Variants in SUMF1 observed in about 807,000 individuals in gnomAD.
The protein encoded by SUMF1 is sulfatase modifying factor 1.
SUMF1 carries 48 observed loss-of-function variants against 47.6 expected under a neutral mutation model. The ratio of observed to expected loss-of-function variants is 1.01; its 90% CI spans 0.80 to 1.28. SUMF1 has a LOEUF of 1.28. SUMF1 is among the 50% of genes most tolerant of loss of function. The pLI, the probability that SUMF1 is intolerant of heterozygous loss-of-function variation, is 0.00. For missense variants in SUMF1, 571 were observed against 485.4 expected (o/e 1.18, Z -1.66); for synonymous variants, 230 against 192.1 (o/e 1.20, Z -1.63).
intron 8 of SUMF1, chr3:4,313,746 G>A (rs1241698463): frequency 6.2e-7 from 1 of 1,614,006 alleles, no homozygotes; most frequent in Non-Finnish European, 8.5e-7. Flanking sequence ...CCTCCTGCAA[G>A]CGATTGACCC....
At chr3:4,301,128 G>C (rs933039494) in intron 8 of SUMF1, among the ~76,000 whole-genome samples, 3 of 152,090 alleles carry the variant, frequency 2.0e-5, no homozygotes, top group Non-Finnish European at 4.4e-5. Flanking sequence ...ATGTAAAGAG[G>C]GTAACCAATG....
intron 8 of SUMF1, among the ~76,000 whole-genome samples, chr3:4,120,419 C>CA (rs1479989632): frequency 2.6e-5 from 4 of 152,204 alleles, no homozygotes; most frequent in African/African-American, 9.6e-5. Flanking sequence ...ACACACTTTA[C>CA]AAAAAGATAT....
intron 8 of SUMF1, among the ~76,000 whole-genome samples, chr3:4,111,727 G>C (rs1693311516): frequency 6.6e-6 from 1 of 151,920 alleles, no homozygotes; most frequent in Admixed American, 6.6e-5. Context: ...GACAGAGCTA[G>C]ACACCGTCTA....
At chr3:4,060,202 G>A (rs1356802685) in intron 9 of SUMF1, among the ~76,000 whole-genome samples, 1 of 152,196 alleles carries the variant, frequency 6.6e-6, no homozygotes, top group African/African-American at 2.4e-5. Context: ...GAACTAAAGT[G>A]ATAGAGATTA....
chr3:4,100,343 C>T (rs1693005143), intron 8 of SUMF1, among the ~76,000 whole-genome samples: 1 of 152,022 alleles, frequency 6.6e-6, no homozygotes, highest in East Asian at 1.9e-4. Context: ...AAAACAGACA[C>T]ATCAACCAAA....
chr3:4,322,938 G>A (rs1338291311), intron 8 of SUMF1, among the ~76,000 whole-genome samples: 1 of 151,986 alleles, frequency 6.6e-6, no homozygotes, highest in African/African-American at 2.4e-5. Flanking sequence ...ATGCACAAAT[G>A]TTCATATAGC....
intron 6 of SUMF1, among the ~76,000 whole-genome samples, chr3:4,411,394 T>C (rs540111054): frequency 5.4e-4 from 82 of 152,286 alleles, no homozygotes; most frequent in African/African-American, 1.8e-3. Context: ...GGCCACACAA[T>C]GTCTTTCAGC....
At chr3:4,460,823 AT>A (rs111801896) in intron 1 of SUMF1, among the ~76,000 whole-genome samples, 61 of 146,066 alleles carry the variant, frequency 4.2e-4, no homozygotes, top group South Asian at 4.4e-4. Context: ...CACCCTGCTA[AT>A]TTTTTTTTTT....
chr3:4,078,163 T>G (rs1450153882), intron 8 of SUMF1, among the ~76,000 whole-genome samples: 1 of 152,110 alleles, frequency 6.6e-6, no homozygotes, highest in African/African-American at 2.4e-5. Flanking sequence ...AAAATCTTTT[T>G]GAAAGCAGGG....
intron 8 of SUMF1, among the ~76,000 whole-genome samples, chr3:4,351,933 A>C (rs2125156369): frequency 6.6e-6 from 1 of 152,244 alleles, no homozygotes; most frequent in Non-Finnish European, 1.5e-5. Context: ...TCAAAATCTG[A>C]AGAAGAAATA....
intron 8 of SUMF1, among the ~76,000 whole-genome samples, chr3:4,179,467 A>G (rs1367552600): frequency 6.6e-6 from 1 of 152,208 alleles, no homozygotes; most frequent in Non-Finnish European, 1.5e-5. Context: ...TGGTGCTGGG[A>G]AAACTGGCTA....
intron 8 of SUMF1, chr3:4,317,191 A>C: frequency 1.9e-6 from 3 of 1,549,772 alleles, no homozygotes; most frequent in Non-Finnish European, 2.6e-6. Flanking sequence ...GGAATAAACC[A>C]ACTTATTTCT....
chr3:4,285,928 G>A (rs1210449715), intron 8 of SUMF1, among the ~76,000 whole-genome samples: 1 of 152,054 alleles, frequency 6.6e-6, no homozygotes, highest in African/African-American at 2.4e-5. Flanking sequence ...CAAGCTAATA[G>A]TCGGAGCATG....
chr3:4,440,358 G>T (rs1003691936), intron 3 of SUMF1, among the ~76,000 whole-genome samples: 3 of 151,748 alleles, frequency 2.0e-5, no homozygotes, highest in African/African-American at 7.3e-5. Flanking sequence ...ATACTTTCTG[G>T]CTTAGTTTAC....
chr3:4,134,160 T>C lies in SUMF1; in HGVS notation c.1015-65415A>G, dbSNP rs530365378. On this transcript the variant is annotated intron_variant and NMD_transcript_variant, in intron 8 of 12. Coordinates refer to the SUMF1 transcript ENST00000448413. The stretch of plus-strand genomic sequence containing the variant: ...AACTCTCCACCACATATCAACAGAA[T>C]ATACATTCCTTTCAGCACTACACCA... 1.8e-4 allele frequency among the ~76,000 whole-genome samples: 27 copies of C among 152,230 alleles called. 2 individuals carry two copies. The South Asian group carries it at 5.6e-3, about 32-fold the overall frequency.
At chr3:4,312,216 G>A (rs1698433475) in intron 8 of SUMF1, among the ~76,000 whole-genome samples, 1 of 151,840 alleles carries the variant, frequency 6.6e-6, no homozygotes, top group African/African-American at 2.4e-5. Flanking sequence ...CAGTATCTGA[G>A]GTAACCCACA....
intron 1 of SUMF1, among the ~76,000 whole-genome samples, chr3:4,464,693 C>T (rs922381333): frequency 2.0e-5 from 3 of 152,096 alleles, no homozygotes; most frequent in African/African-American, 7.2e-5. Flanking sequence ...AGAATTAGAC[C>T]AAAGTCATCT....
At chr3:4,211,135 C>CATATATACATATACAT (rs1409412774) in intron 8 of SUMF1, among the ~76,000 whole-genome samples, 1 of 96,642 alleles carries the variant, frequency 1.0e-5, no homozygotes, top group Non-Finnish European at 2.1e-5. Flanking sequence ...CACACACACA[C>CATATATACATATACAT]ATATATACAT....
At chr3:4,241,476 C>T (rs544085833) in intron 8 of SUMF1, among the ~76,000 whole-genome samples, 1 of 152,162 alleles carries the variant, frequency 6.6e-6, no homozygotes, top group East Asian at 1.9e-4. Flanking sequence ...AGTCATGTAA[C>T]CAATATGGAA....
Sources: allele counts gnomAD v4.1 joint callset (sites outside exome capture counted in the v4.1 genomes callset), GRCh38; gene constraint gnomAD v4.1.1; transcripts MANE v1.5; gene names NCBI Gene and HGNC (gene_info 2026-07-23, HGNC 2026-07-21).